The following TAF4B variants were observed in gnomAD, a reference collection of about 807,000 sequenced individuals.
TAF4B encodes TATA-box binding protein associated factor 4b, also known as transcription initiation factor TFIID subunit 4B.
Under a neutral mutation model 86.4 loss-of-function variants are expected in TAF4B, and 38 were observed. The ratio of observed to expected loss-of-function variants is 0.44; its 90% CI spans 0.34 to 0.58. TAF4B has a LOEUF of 0.58. Ranked by LOEUF, TAF4B falls within the 20% of genes least tolerant of loss-of-function variation. The probability of loss-of-function intolerance (pLI) is 0.02; values close to 1 mark genes in which losing one functional copy is unlikely to be tolerated. For synonymous variants in TAF4B, 388 were observed against 391.2 expected (o/e 0.99, Z 0.10); for missense variants, 988 against 1,027.6 (o/e 0.96, Z 0.53).
chr18:26,247,981 TCTC>T lies in TAF4B; in HGVS notation c.344-17186_344-17184del, dbSNP rs527416797. ...GACTGACCTCCCTAGCATAAGCAGT[TCTC>T]CTACGTCAAACCTACTGAGTGACTG... is the stretch of plus-strand genomic sequence containing the variant. On this transcript the variant is annotated intron_variant, in intron 1 of 14. Transcript: ENST00000269142. Among the ~76,000 whole-genome samples the T allele has an allele frequency of 1.8e-3, 235 of 133,868 alleles. 1 individual carries two copies. The highest frequency in any genetic ancestry group is 6.5e-3 in the African/African-American group (229 of 35,106). 87.8% of individuals were successfully genotyped at this position (133,868 alleles called of 152,430 possible). A position where few individuals can be genotyped will look rare whatever the true frequency, so the allele number is the denominator to read the frequency against.
intron 3 of TAF4B, among the ~76,000 whole-genome samples, chr18:26,267,842 A>G (rs2056262293): frequency 6.6e-6 from 1 of 152,244 alleles, no homozygotes; most frequent in African/African-American, 2.4e-5. Context: ...CAGTGTATTA[A>G]GTTAATACAA....
chr18:26,386,446 A>G (rs891894080), intron 14 of TAF4B, among the ~76,000 whole-genome samples: 11 of 152,084 alleles, frequency 7.2e-5, no homozygotes, highest in Admixed American at 6.6e-4. Context: ...TATAGCATCA[A>G]TATAGAAAGT....
intron 7 of TAF4B, among the ~76,000 whole-genome samples, chr18:26,291,021 T>C (rs1049530881): frequency 1.3e-4 from 20 of 152,214 alleles, no homozygotes; most frequent in Admixed American, 3.3e-4. Flanking sequence ...TGAATTATTC[T>C]AACTAACATT....
chr18:26,317,026 A>ATTTT (rs34772122), intron 10 of TAF4B, among the ~76,000 whole-genome samples: 1 of 117,170 alleles, frequency 8.5e-6, no homozygotes, highest in Non-Finnish European at 1.8e-5. Context: ...CTCCCTTCCG[A>ATTTT]TTTTTTTTTT....
At chr18:26,377,118 G>C (rs902242906) in intron 14 of TAF4B, among the ~76,000 whole-genome samples, 1 of 152,010 alleles carries the variant, frequency 6.6e-6, no homozygotes, top group Non-Finnish European at 1.5e-5. Context: ...TGTTCATAAG[G>C]AATAATGGTC....
rs1555623605 is a variant in TAF4B at position 26,346,757 on chromosome 18, G to GCGTATATA, written c.2317-10933_2317-10932insCGTATATA. Among the ~76,000 whole-genome samples the GCGTATATA allele has an allele frequency of 6.6e-5, 2 of 30,238 alleles. 1 individual carries two copies. The highest frequency in any genetic ancestry group is 1.9e-4 in the African/African-American group (2 of 10,804). The allele number at this position is 30,238 out of a possible 152,430, so 19.8% of individuals were successfully genotyped here. On this transcript the variant is annotated intron_variant, in intron 13 of 14. Coordinates refer to ENST00000269142, the MANE Select transcript of TAF4B (RefSeq NM_005640.3). ...GCCAAGAATATATATATATATATGT[G>GCGTATATA]TGTATATATATATATATGTGTGTGT...
chr18:26,374,280 G>A (rs950920035), intron 14 of TAF4B, among the ~76,000 whole-genome samples: 3 of 152,156 alleles, frequency 2.0e-5, no homozygotes, highest in Non-Finnish European at 2.9e-5. Context: ...TTAAAAGGCT[G>A]TCCAGCTTTA....
At chr18:26,280,757 T>C (rs954517785) in intron 5 of TAF4B, among the ~76,000 whole-genome samples, 4 of 152,130 alleles carry the variant, frequency 2.6e-5, no homozygotes, top group African/African-American at 9.7e-5. Context: ...CTTAAAGAAC[T>C]AAAAATAGAA....
chr18:26,310,764 C>A (rs956852467), intron 9 of TAF4B, among the ~76,000 whole-genome samples: 3 of 152,052 alleles, frequency 2.0e-5, no homozygotes, highest in Non-Finnish European at 4.4e-5. Context: ...CCCCTATTAC[C>A]CAGGTTCCCA....
At position 26,292,402 on chromosome 18, in the gene TAF4B, G is replaced by A. The variant is rs577135679; in HGVS notation, c.1726+21G>A. On this transcript the variant is annotated intron_variant, in intron 8 of 14. Transcript: ENST00000269142. ...TCCAGGTAGATGCTGGTCCATCTCAGTCCCATCATGCTGGGTTAGAACATG... is the reference window on the plus strand; with the variant it reads ...TCCAGGTAGATGCTGGTCCATCTCAATCCCATCATGCTGGGTTAGAACATG... 1.2e-5 allele frequency: 19 copies of A among 1,600,134 alleles called. No individual in the cohort carries two copies. The South Asian group carries it at 1.8e-4, about 15-fold the overall frequency.
intron 3 of TAF4B, among the ~76,000 whole-genome samples, chr18:26,270,381 C>G (rs962577244): frequency 2.0e-5 from 3 of 152,140 alleles, no homozygotes; most frequent in Admixed American, 1.3e-4. Flanking sequence ...TCTGAATATT[C>G]GTTGAAGTCT....
intron 14 of TAF4B, among the ~76,000 whole-genome samples, chr18:26,383,823 A>T (rs1244298957): frequency 6.6e-6 from 1 of 152,186 alleles, no homozygotes; most frequent in Non-Finnish European, 1.5e-5. Flanking sequence ...AAGGAATAAA[A>T]TGAAGGTGAT....
intron 10 of TAF4B, among the ~76,000 whole-genome samples, chr18:26,319,321 A>T (rs931166983): frequency 1.3e-5 from 2 of 151,806 alleles, no homozygotes; most frequent in Non-Finnish European, 1.5e-5. Flanking sequence ...GTGAAACGCC[A>T]TCTCTACTAA....
Position 26,273,411 on chromosome 18 carries a change from A to G in TAF4B, c.598-1252A>G, listed in dbSNP as rs79358347. 1.9e-3 allele frequency among the ~76,000 whole-genome samples: 288 copies of G among 152,202 alleles called. 1 individual carries two copies. The highest frequency in any genetic ancestry group is 6.7e-3 in the African/African-American group (280 of 41,532). ...CTACATGTGATATGTACACATATGT[A>G]ATATGTACACATATGTAATATGTCT... On this transcript the variant is annotated intron_variant, in intron 3 of 14. Transcript: ENST00000269142.
intron 13 of TAF4B, among the ~76,000 whole-genome samples, chr18:26,342,557 T>C (rs892384735): frequency 2.6e-5 from 4 of 152,216 alleles, no homozygotes; most frequent in Non-Finnish European, 5.9e-5. Flanking sequence ...CTCTGAGAAC[T>C]TGTGTGATCT....
At chr18:26,230,984 A>G (rs1419472574) in intron 1 of TAF4B, among the ~76,000 whole-genome samples, 1 of 148,536 alleles carries the variant, frequency 6.7e-6, no homozygotes, top group Non-Finnish European at 1.5e-5. Flanking sequence ...AATCACTAAA[A>G]TGTAATTTCC....
chr18:26,381,352 G>T (rs950518952), intron 14 of TAF4B, among the ~76,000 whole-genome samples: 2 of 151,832 alleles, frequency 1.3e-5, no homozygotes, highest in Non-Finnish European at 2.9e-5. Context: ...ACTCTGTTCA[G>T]AGGTACAATG....
chr18:26,238,356 T>A (rs937349937), intron 1 of TAF4B, among the ~76,000 whole-genome samples: 19 of 152,196 alleles, frequency 1.2e-4, no homozygotes, highest in African/African-American at 4.3e-4. Context: ...CTTCTTATCA[T>A]ATGAATAGGA....
intron 14 of TAF4B, among the ~76,000 whole-genome samples, chr18:26,361,387 A>T (rs1377568127): frequency 5.3e-5 from 8 of 151,184 alleles, no homozygotes; most frequent in Non-Finnish European, 1.0e-4. Flanking sequence ...TGCCTCCCAG[A>T]GTGCTGGGAT....
Sources: gnomAD v4.1 joint callset for allele counts (sites outside exome capture counted in the v4.1 genomes callset) on GRCh38, gnomAD v4.1.1 for gene constraint, MANE v1.5 for transcripts, NCBI Gene and HGNC (gene_info 2026-07-23, HGNC 2026-07-21) for gene names.